Variants in NBPF8 observed in about 807,000 individuals in gnomAD.
NBPF8 encodes NBPF family member NBPF8.
chr1:120,435,693 A>AG (rs1491495911), upstream of NBPF8, among the ~76,000 whole-genome samples: 1 of 149,288 alleles, frequency 6.7e-6, no homozygotes, highest in Non-Finnish European at 1.5e-5. Context: ...ATACAAAAAA[A>AG]GAAAAAAAAA....
chr1:120,433,252 G>A (rs1660935534), upstream of NBPF8: 1 of 152,182 alleles, frequency 6.6e-6, no homozygotes, highest in South Asian at 2.1e-4. Context: ...TATTGAAGAA[G>A]CAATAAGTTG....
At chr1:120,454,668 A>G (rs1168975100) in intron 15 of NBPF8, among the ~76,000 whole-genome samples, 2 of 133,090 alleles carry the variant, frequency 1.5e-5, no homozygotes, top group South Asian at 2.4e-4. Context: ...CTGTCAATGC[A>G]ATGGCTGATC....
chr1:120,450,062 A>G (rs587751900), intron 11 of NBPF8, among the ~76,000 whole-genome samples: 1 of 152,124 alleles, frequency 6.6e-6, no homozygotes, highest in South Asian at 2.1e-4. Context: ...CCCCATCTTC[A>G]CTAAAAATAC....
chr1:120,431,142 T>A (rs1159923697), intron 3 of NBPF8, among the ~76,000 whole-genome samples: 9 of 141,936 alleles, frequency 6.3e-5, no homozygotes, highest in African/African-American at 7.8e-5. Flanking sequence ...AAAAAAAAAA[T>A]GGAATATATA....
intron 15 of NBPF8, among the ~76,000 whole-genome samples, chr1:120,454,998 AAG>A (rs1661397379): frequency 6.8e-6 from 1 of 148,086 alleles, no homozygotes; most frequent in African/African-American, 2.5e-5. Context: ...TTTTTAAAGC[AAG>A]AGTTGTTCAA....
At chr1:120,463,134 A>T (rs1661639175) in intron 21 of NBPF8, among the ~76,000 whole-genome samples, 168 bp downstream of exon 19, 1 of 151,522 alleles carries the variant, frequency 6.6e-6, no homozygotes, top group East Asian at 2.0e-4. Flanking sequence ...GGAAGCCTAG[A>T]CATGAAATGG....
At chr1:120,434,657 G>A (rs1661023622), upstream of NBPF8, among the ~76,000 whole-genome samples, 2 of 151,134 alleles carry the variant, frequency 1.3e-5, no homozygotes, top group South Asian at 2.1e-4. Context: ...CTTCATTGGG[G>A]AAATGAAAGA....
exon 25 of NBPF8, chr1:120,466,281 G>T: frequency 6.3e-7 from 1 of 1,592,134 alleles, no homozygotes; most frequent in Non-Finnish European, 8.6e-7. Context: ...GGCGCCTGAA[G>T]ATTTGAATGA....
chr1:120,415,050 G>A (rs1660389645), upstream of NBPF8, among the ~76,000 whole-genome samples: 1 of 152,192 alleles, frequency 6.6e-6, no homozygotes, highest in East Asian at 1.9e-4. Flanking sequence ...GGACCCTGAG[G>A]AGCCAGCTGG....
In NBPF8 at chr1:120,460,552, C is replaced by A. The variant is rs1661552229; in HGVS notation, n.2785-21C>A. On this transcript the variant is annotated intron_variant and non_coding_transcript_variant, in intron 17 of 24. Transcript: ENST00000583271. ...GGAAGAACTGCTTAATGTAAGAGGG[C>A]CCATATGAATTTATTTGCAGGACAT... 1.3e-5 allele frequency: 18 copies of A among 1,380,422 alleles called. No homozygotes were observed. The Admixed American group carries it at 2.2e-4, about 17-fold the overall frequency. The allele number at this position is 1,380,422 out of a possible 1,614,324, so 85.5% of individuals were successfully genotyped here. A position where few individuals can be genotyped will look rare whatever the true frequency, so the allele number is the denominator to read the frequency against.
At position 120,452,098 on chromosome 1, in the gene NBPF8, C is replaced by G; in HGVS notation, n.2075-19C>G. ...TCAACCCTTTCCACTCTTAAATTTT[C>G]TCTACCGTCTCACCTTAGGCAATAT... On this transcript the variant is annotated intron_variant and non_coding_transcript_variant, in intron 12 of 24. Transcript: ENST00000583271. 1 of 1,493,072 alleles carries G rather than the reference C, an allele frequency of 6.7e-7. No homozygotes were observed. Among genetic ancestry groups the G allele is most frequent in the Non-Finnish European group, 9.3e-7 (1 of 1,074,062 alleles). The allele number at this position is 1,493,072 out of a possible 1,614,324, so 92.5% of individuals were successfully genotyped here. A position where few individuals can be genotyped will look rare whatever the true frequency, so the allele number is the denominator to read the frequency against.
At chr1:120,424,636 C>A (rs1414473226) in intron 1 of NBPF8, among the ~76,000 whole-genome samples, 1 of 151,014 alleles carries the variant, frequency 6.6e-6, no homozygotes, top group Non-Finnish European at 1.5e-5. Flanking sequence ...TTGGTAGAGA[C>A]AGGGTTTCTT....
upstream of NBPF8, chr1:120,434,072 G>T (rs1553247420): frequency 6.5e-6 from 1 of 154,298 alleles, no homozygotes; most frequent in South Asian, 1.8e-4. Context: ...CCACCTGGCC[G>T]TTGCGTTGCT....
At chr1:120,415,168 C>T (rs1375854531), upstream of NBPF8, among the ~76,000 whole-genome samples, 25 of 152,252 alleles carry the variant, frequency 1.6e-4, no homozygotes, top group Non-Finnish European at 2.6e-4. Flanking sequence ...CTTTTGGGAA[C>T]GCGGGACGGG....
rs1288652216 is a variant in NBPF8 at position 120,431,196 on chromosome 1, T to C, written n.510+3349T>C. 1.5e-3 allele frequency among the ~76,000 whole-genome samples: 220 copies of C among 148,524 alleles called. 2 individuals are homozygous for C. The Middle Eastern group carries it at 0.021, about 14-fold the overall frequency. On this transcript the variant is annotated intron_variant and non_coding_transcript_variant, in intron 3 of 28. Coordinates refer to the NBPF8 transcript ENST00000652355. ...GAATCCAGAAATAGATACTCACATGTATGTCTAATTGATTCTTAGGACATA... is the reference window on the plus strand; with the variant it reads ...GAATCCAGAAATAGATACTCACATGCATGTCTAATTGATTCTTAGGACATA...
chr1:120,425,657 T>C (rs1385277617), intron 1 of NBPF8, among the ~76,000 whole-genome samples: 3 of 152,098 alleles, frequency 2.0e-5, no homozygotes, highest in African/African-American at 7.2e-5. Flanking sequence ...GTCTCTTTCT[T>C]TTCCAAGTCT....
intron 3 of NBPF8, among the ~76,000 whole-genome samples, chr1:120,429,449 T>C (rs1230126758): frequency 6.6e-6 from 1 of 152,080 alleles, no homozygotes; most frequent in Non-Finnish European, 1.5e-5. Context: ...TGGCGGGAGA[T>C]GCTGCATGGA....
rs1184097879 is a variant in NBPF8, at chr1:120,423,457, C to A, written n.270-2290C>A. On this transcript the variant is annotated intron_variant and non_coding_transcript_variant, in intron 1 of 28. Transcript: ENST00000652355. ...TAGGCCTGCTTCTGGGCTCCGTATT[C>A]TTTTCTATGCATCTATATGTGTGTG... is the stretch of plus-strand genomic sequence containing the variant. 5.6e-5 allele frequency among the ~76,000 whole-genome samples: 6 copies of A among 106,366 alleles called. 3 individuals carry two copies. The highest frequency in any genetic ancestry group is 4.9e-4 in the South Asian group (2 of 4,082). 69.8% of individuals were successfully genotyped at this position (106,366 alleles called of 152,430 possible).
chr1:120,417,314 TC>T (rs1660459593), upstream of NBPF8, among the ~76,000 whole-genome samples: 1 of 151,598 alleles, frequency 6.6e-6, no homozygotes, highest in Non-Finnish European at 1.5e-5. Flanking sequence ...CACACTCAGC[TC>T]TTTTCTATAT....
Sources: gnomAD v4.1 joint callset for allele counts (sites outside exome capture counted in the v4.1 genomes callset) on GRCh38, gnomAD v4.1.1 for gene constraint, MANE v1.5 for transcripts, NCBI Gene and HGNC (gene_info 2026-07-23, HGNC 2026-07-21) for gene names.